STXBP5L: variants seen among roughly 807,000 people sequenced by gnomAD.
STXBP5L encodes the protein syntaxin-binding protein 5-like.
STXBP5L carries 65 observed loss-of-function variants against 144.5 expected under a neutral mutation model. That is an observed-to-expected ratio of 0.45 (90% CI 0.37 to 0.55). The LOEUF is 0.55. Among genes scored for constraint, STXBP5L ranks in the 20% least tolerant of loss-of-function variants. The pLI, the probability that STXBP5L is intolerant of heterozygous loss-of-function variation, is 0.00. For missense variants in STXBP5L, 1,298 were observed against 1,405.5 expected, an observed-to-expected ratio of 0.92 and a Z score of 1.22; for synonymous variants, 505 against 469.6, an observed-to-expected ratio of 1.08 and a Z score of -0.97.
At chr3:120,960,039 G>C (rs1260733589) in intron 3 of STXBP5L, among the ~76,000 whole-genome samples, 1 of 151,922 alleles carries the variant, frequency 6.6e-6, no homozygotes, top group Non-Finnish European at 1.5e-5. Context: ...AATCTACAAA[G>C]AACTCAAACA....
intron 3 of STXBP5L, among the ~76,000 whole-genome samples, chr3:121,035,881 G>C (rs1443731563): frequency 6.6e-6 from 1 of 151,852 alleles, no homozygotes; most frequent in Non-Finnish European, 1.5e-5. Context: ...CATTTATTTT[G>C]GTCTTTAATT....
intron 19 of STXBP5L, among the ~76,000 whole-genome samples, chr3:121,304,465 G>C (rs1181720571): frequency 6.6e-6 from 1 of 151,930 alleles, no homozygotes; most frequent in African/African-American, 2.4e-5. Flanking sequence ...GGATAGACTG[G>C]GCGATAAAAC....
chr3:121,379,057 A>C (rs987347791), intron 21 of STXBP5L, among the ~76,000 whole-genome samples, 171 bp downstream of exon 21: 2 of 151,676 alleles, frequency 1.3e-5, no homozygotes, highest in Non-Finnish European at 2.9e-5. Flanking sequence ...TCCATTCCTC[A>C]CTCCACCTCC....
intron 5 of STXBP5L, among the ~76,000 whole-genome samples, chr3:121,078,489 G>T (rs1375567276): frequency 3.3e-5 from 5 of 152,240 alleles, no homozygotes; most frequent in African/African-American, 4.8e-5. Context: ...CCTGCACCAG[G>T]GCCGCAGGTG....
intron 2 of STXBP5L, among the ~76,000 whole-genome samples, chr3:120,951,650 AAAC>A (rs1419930125): frequency 1.3e-5 from 2 of 152,088 alleles, no homozygotes; most frequent in African/African-American, 4.8e-5. Context: ...AAAAGTCAGG[AAAC>A]AACAGGTGCT....
intron 3 of STXBP5L, among the ~76,000 whole-genome samples, chr3:121,013,365 C>T (rs553294841): frequency 1.4e-4 from 21 of 151,788 alleles, no homozygotes; most frequent in Admixed American, 2.0e-4. Flanking sequence ...TGTTATTTTC[C>T]GACTTTTTAA....
chr3:121,302,029 C>T (rs371294691), intron 19 of STXBP5L, among the ~76,000 whole-genome samples: 9 of 152,114 alleles, frequency 5.9e-5, no homozygotes, highest in Admixed American at 2.6e-4. Context: ...TGTCTCTGCC[C>T]GGCTTTGGTA....
At chr3:121,220,474 A>G (rs2048940795) in intron 10 of STXBP5L, among the ~76,000 whole-genome samples, 1 of 152,106 alleles carries the variant, frequency 6.6e-6, no homozygotes, top group African/African-American at 2.4e-5. Context: ...GCATTATCAA[A>G]CAACTGTGTT....
At chr3:121,029,675 A>G (rs1946221739) in intron 3 of STXBP5L, among the ~76,000 whole-genome samples, 1 of 152,182 alleles carries the variant, frequency 6.6e-6, no homozygotes, top group African/African-American at 2.4e-5. Context: ...GGCAAAATTG[A>G]CAAATGGGAT....
rs577180467 is a variant in STXBP5L at position 121,054,223 on chromosome 3, C to T, written c.470+8688C>T. ...CTAGAACTAGAAATACCATTTGACCCAGCCATCCCATTACTGGGTATATAC... is the reference window on the plus strand; with the variant it reads ...CTAGAACTAGAAATACCATTTGACCTAGCCATCCCATTACTGGGTATATAC... On this transcript the variant is annotated intron_variant, in intron 5 of 26. Coordinates refer to ENST00000471454, the MANE Select transcript of STXBP5L (RefSeq NM_001308330.2). Among the ~76,000 whole-genome samples, 380 of 152,218 alleles carry T rather than the reference C, an allele frequency of 2.5e-3. 2 individuals are homozygous for T. The highest frequency in any genetic ancestry group is 8.6e-3 in the African/African-American group (357 of 41,546).
chr3:120,977,354 A>G (rs571857919), intron 3 of STXBP5L, among the ~76,000 whole-genome samples: 54 of 152,220 alleles, frequency 3.5e-4, no homozygotes, highest in Admixed American at 2.4e-3. Flanking sequence ...TTTGTCAGAG[A>G]GTAGGATTGC....
intron 18 of STXBP5L, among the ~76,000 whole-genome samples, chr3:121,267,940 C>T (rs1330223706): frequency 4.6e-5 from 7 of 152,130 alleles, no homozygotes; most frequent in East Asian, 1.9e-4. Flanking sequence ...GAAATAGGAA[C>T]GCTTTTACAC....
intron 3 of STXBP5L, among the ~76,000 whole-genome samples, chr3:120,983,249 G>A (rs9862407): frequency 0.099 from 15,087 of 151,884 alleles, 1,182 homozygotes; most frequent in Admixed American, 0.2. Context: ...CTTCAGTGGA[G>A]ATGCTCAGAT....
intron 25 of STXBP5L, among the ~76,000 whole-genome samples, chr3:121,416,367 G>C (rs1053608394): frequency 7.3e-6 from 1 of 136,888 alleles, no homozygotes; most frequent in Admixed American, 7.0e-5. Context: ...CAGAATGTAA[G>C]ATTTATAAAT....
intron 5 of STXBP5L, among the ~76,000 whole-genome samples, chr3:121,091,861 C>A (rs2107736684): frequency 6.6e-6 from 1 of 152,254 alleles, no homozygotes; most frequent in Non-Finnish European, 1.5e-5. Flanking sequence ...ATGCCTATGT[C>A]CTGAATGGTA....
rs779198809 is a variant in STXBP5L, at chr3:121,051,792, G to T, written c.470+6257G>T. On this transcript the variant is annotated intron_variant, in intron 5 of 26. Transcript: ENST00000471454. ...AAAAACCCTTCAAAAAATTAATGAA[G>T]CCAGGAGCTGGTTTTTCAAAAAGAT... is the stretch of plus-strand genomic sequence containing the variant. 2.6e-4 allele frequency among the ~76,000 whole-genome samples: 40 copies of T among 152,126 alleles called. No homozygotes were observed. In the South Asian group the frequency reaches 3.5e-3, roughly 13 times the overall value.
At chr3:121,058,350 C>T (rs911570098) in intron 5 of STXBP5L, among the ~76,000 whole-genome samples, 3 of 152,174 alleles carry the variant, frequency 2.0e-5, no homozygotes, top group Non-Finnish European at 4.4e-5. Context: ...GTACATGTGC[C>T]ACATTTACTT....
At chr3:121,214,353 A>G (rs925250627) in intron 10 of STXBP5L, among the ~76,000 whole-genome samples, 8 of 152,174 alleles carry the variant, frequency 5.3e-5, no homozygotes, top group African/African-American at 1.9e-4. Flanking sequence ...TTAGTGCTAT[A>G]AATTTCTCTC....
intron 5 of STXBP5L, among the ~76,000 whole-genome samples, chr3:121,109,360 T>G (rs1350404496): frequency 1.3e-5 from 2 of 152,182 alleles, no homozygotes; most frequent in Non-Finnish European, 2.9e-5. Flanking sequence ...GATGTGGGCA[T>G]TTAGTTCTAT....
Sources: allele counts gnomAD v4.1 joint callset (sites outside exome capture counted in the v4.1 genomes callset), GRCh38; gene constraint gnomAD v4.1.1; transcripts MANE v1.5; gene names NCBI Gene and HGNC (gene_info 2026-07-23, HGNC 2026-07-21).